SLCO3A1: variants seen among roughly 807,000 people sequenced by gnomAD.
SLCO3A1 encodes solute carrier organic anion transporter family member 3A1.
A neutral mutation model predicts 63.1 loss-of-function variants in SLCO3A1; 27 were observed. That is an observed-to-expected ratio of 0.43 (90% CI 0.32 to 0.59). The LOEUF (loss-of-function observed/expected upper bound fraction) is 0.59, where lower values mean the gene tolerates loss of function less well. SLCO3A1 is among the 20% of genes least tolerant of loss of function. The pLI, the probability that SLCO3A1 is intolerant of heterozygous loss-of-function variation, is 0.09. For missense variants in SLCO3A1, 773 were observed against 945.8 expected (o/e 0.82, Z 2.40); for synonymous variants, 473 against 409.9 (o/e 1.15, Z -1.86).
chr15:91,981,009 C>G (rs1488675943), intron 2 of SLCO3A1, among the ~76,000 whole-genome samples: 1 of 152,196 alleles, frequency 6.6e-6, no homozygotes, highest in East Asian at 1.9e-4. Context: ...CAAACACTGG[C>G]TTGGGAGAGC....
Position 92,141,823 on chromosome 15 carries a change from T to C in SLCO3A1, c.1513-5161T>C, listed in dbSNP as rs554000327. Among the ~76,000 whole-genome samples the C allele has an allele frequency of 2.0e-5, 3 of 152,338 alleles. No individual in the cohort carries two copies. The East Asian group carries it at 5.8e-4, about 29-fold the overall frequency. ...CCCTTAGCACAACGTTGGACAAATC[T>C]GGGCTCTTATGTCACACAAGCCCAG... On this transcript the variant is annotated intron_variant, in intron 7 of 9. Coordinates refer to ENST00000318445, the MANE Select transcript of SLCO3A1 (RefSeq NM_013272.4).
chr15:91,968,086 G>A lies in SLCO3A1; in HGVS notation c.646+51628G>A, dbSNP rs1019317074. ...GTCCCCTGCCTAGTCGCCCTGGAAAGTACCCAGGGAAGCCACTTACGGCCT... is the reference window on the plus strand; with the variant it reads ...GTCCCCTGCCTAGTCGCCCTGGAAAATACCCAGGGAAGCCACTTACGGCCT... On this transcript the variant is annotated intron_variant, in intron 2 of 9. Transcript: ENST00000318445. This position sits in a 1 kb window ranked among gnomAD's most constrained non-coding sequence, Gnocchi z 4.2. Among the ~76,000 whole-genome samples, 2 of 152,084 alleles carry A rather than the reference G, an allele frequency of 1.3e-5. No homozygotes were observed. The highest frequency in any genetic ancestry group is 2.4e-5 in the African/African-American group (1 of 41,400).
intron 2 of SLCO3A1, among the ~76,000 whole-genome samples, chr15:91,983,385 C>T (rs191018964): frequency 2.0e-4 from 31 of 152,290 alleles, no homozygotes; most frequent in Admixed American, 1.6e-3. Context: ...TCTCTGGCAT[C>T]CCCAGGAGGA....
chr15:92,159,687 C>T (rs1412208909), intron 9 of SLCO3A1, among the ~76,000 whole-genome samples: 1 of 151,388 alleles, frequency 6.6e-6, no homozygotes, highest in Non-Finnish European at 1.5e-5. Context: ...CCATCGGCCT[C>T]CTGAGTACTT....
At chr15:92,091,049 G>A (rs938202435) in intron 2 of SLCO3A1, among the ~76,000 whole-genome samples, 1 of 152,170 alleles carries the variant, frequency 6.6e-6, no homozygotes, top group African/African-American at 2.4e-5. Flanking sequence ...CCCTTAGGGG[G>A]TTAGAAAACC....
intron 2 of SLCO3A1, among the ~76,000 whole-genome samples, chr15:91,988,518 A>G (rs137988870): frequency 1.3e-5 from 2 of 150,568 alleles, no homozygotes; most frequent in East Asian, 3.9e-4. Flanking sequence ...GGGATGGTTC[A>G]GCATGAGACA....
intron 2 of SLCO3A1, among the ~76,000 whole-genome samples, chr15:91,940,014 C>T (rs1448391326): frequency 6.6e-6 from 1 of 152,188 alleles, no homozygotes; most frequent in Non-Finnish European, 1.5e-5. Flanking sequence ...TACCCAGCCC[C>T]TACCATTTGC....
At position 92,159,057 on chromosome 15, in the gene SLCO3A1, T is replaced by TCA. The variant is rs536055286; in HGVS notation, c.1754-3689_1754-3688dup. ...CAAGATCAGACCCTTGGCGAAACAC[T>TCA]CACACACACACCTCATTTGTGTAGT... On this transcript the variant is annotated intron_variant, in intron 9 of 9. Transcript: ENST00000318445. 3.7e-3 allele frequency among the ~76,000 whole-genome samples: 561 copies of TCA among 152,188 alleles called. 1 individual carries two copies. Among genetic ancestry groups the TCA allele is most frequent in the Non-Finnish European group, 6.0e-3 (410 of 67,994 alleles).
downstream of SLCO3A1, among the ~76,000 whole-genome samples, chr15:92,166,404 G>A (rs564850630): frequency 1.6e-4 from 25 of 152,326 alleles, no homozygotes; most frequent in African/African-American, 3.1e-4. Context: ...AGGAGGGAGC[G>A]TGCCCCTCCA....
chr15:91,864,976 C>A (rs1351789643), intron 1 of SLCO3A1, among the ~76,000 whole-genome samples: 1 of 152,236 alleles, frequency 6.6e-6, no homozygotes, highest in African/African-American at 2.4e-5. Context: ...GAGTCAAGAC[C>A]TAGGCCACTC....
At chr15:91,917,134 G>A (rs1898688373) in intron 2 of SLCO3A1, among the ~76,000 whole-genome samples, 1 of 152,174 alleles carries the variant, frequency 6.6e-6, no homozygotes, top group African/African-American at 2.4e-5. Flanking sequence ...GTTTTCAGTG[G>A]CTGCGGTGGG....
intron 2 of SLCO3A1, among the ~76,000 whole-genome samples, chr15:92,068,732 C>T (rs547331259): frequency 1.3e-5 from 2 of 152,238 alleles, no homozygotes; most frequent in South Asian, 4.1e-4. Flanking sequence ...GTGTTAACAG[C>T]CTCATCCCTT....
intron 2 of SLCO3A1, among the ~76,000 whole-genome samples, chr15:91,972,890 G>A (rs921232289): frequency 6.6e-5 from 10 of 152,340 alleles, no homozygotes; most frequent in African/African-American, 2.2e-4. Context: ...GGAGGCCGAG[G>A]CAGGCGGATC....
intron 2 of SLCO3A1, among the ~76,000 whole-genome samples, chr15:92,086,299 C>G (rs1350357556): frequency 1.3e-5 from 2 of 152,218 alleles, no homozygotes; most frequent in African/African-American, 4.8e-5. Flanking sequence ...GTGTCAGACT[C>G]TTTAACCAGC....
chr15:91,878,545 G>A (rs1047013776), intron 1 of SLCO3A1, among the ~76,000 whole-genome samples: 1 of 152,202 alleles, frequency 6.6e-6, no homozygotes, highest in African/African-American at 2.4e-5. Context: ...TAGATGATGG[G>A]ACACTTGAAG....
chr15:92,099,058 A>G (rs1326737979), intron 3 of SLCO3A1, among the ~76,000 whole-genome samples: 1 of 152,224 alleles, frequency 6.6e-6, no homozygotes, highest in Non-Finnish European at 1.5e-5. Context: ...GCTCCCTTCC[A>G]TGGACAAAGG....
rs145596844 is a variant in SLCO3A1 at position 91,875,278 on chromosome 15, T to C, written c.180+21190T>C. Among the ~76,000 whole-genome samples the C allele has an allele frequency of 5.2e-3, 794 of 152,274 alleles. 6 individuals are homozygous for C. Among genetic ancestry groups the C allele is most frequent in the African/African-American group, 0.018 (747 of 41,552 alleles). On this transcript the variant is annotated intron_variant, in intron 1 of 9. Transcript: ENST00000318445. This position sits in a 1 kb window ranked among gnomAD's most constrained non-coding sequence, Gnocchi z 4.5. ...TGTAGCTCATTGTAGGAGATCCTAG[T>C]TGCACTTCTGTTATGAAGCCACTCC...
intron 4 of SLCO3A1, among the ~76,000 whole-genome samples, chr15:92,116,612 C>G (rs993699156): frequency 1.3e-5 from 2 of 152,178 alleles, no homozygotes; most frequent in Admixed American, 6.5e-5. Context: ...CTGGGCCGCC[C>G]CATTAGCTGC....
intron 2 of SLCO3A1, among the ~76,000 whole-genome samples, chr15:91,979,142 C>T (rs961654232): frequency 2.0e-5 from 3 of 152,156 alleles, no homozygotes; most frequent in African/African-American, 4.8e-5. Context: ...TTTACATATA[C>T]GGGTTTAGTA....
Sources: gnomAD v4.1 joint callset for allele counts (sites outside exome capture counted in the v4.1 genomes callset) on GRCh38, gnomAD v4.1.1 for gene constraint, Gnocchi (gnomAD v3.1) non-coding constraint, MANE v1.5 for transcripts, NCBI Gene and HGNC (gene_info 2026-07-23, HGNC 2026-07-21) for gene names.